The following AGRN variants were observed in gnomAD, a reference collection of about 807,000 sequenced individuals.
AGRN encodes agrin proteoglycan.
A neutral mutation model predicts 211.0 loss-of-function variants in AGRN; 106 were observed. That is an observed-to-expected ratio of 0.50 (90% CI 0.43 to 0.59). The LOEUF (loss-of-function observed/expected upper bound fraction) is 0.59. Among genes scored for constraint, AGRN ranks in the 20% least tolerant of loss-of-function variants. The pLI is 0.00. For missense variants in AGRN, 3,040 were observed against 2,982.6 expected (o/e 1.02, Z -0.45); for synonymous variants, 1,525 against 1,332.5 (o/e 1.14, Z -3.15).
chr1:1,053,646 G>A (rs563960394), intron 33 of AGRN, 107 bp from the exon 34 acceptor site: 33 of 1,493,920 alleles, frequency 2.2e-5, no homozygotes, highest in South Asian at 8.5e-5. Flanking sequence ...CCTGGGTCCC[G>A]TCACAGCCCT....
At chr1:1,037,629 A>G (rs1570179470) in intron 3 of AGRN, among the ~76,000 whole-genome samples, 1 of 152,156 alleles carries the variant, frequency 6.6e-6, no homozygotes. Flanking sequence ...CAGGAGGTGG[A>G]GCTAAGACAG....
At position 1,044,404 on chromosome 1, in the gene AGRN, G is replaced by A. The variant is rs146863919; in HGVS notation, c.2219G>A (p.Arg740Gln). Residue 740 changes from arginine (R) to glutamine (Q), a missense_variant, in exon 12 of 36, where the codon CGA (arginine) becomes CAA (glutamine). Arg to Gln is a conservative substitution (Grantham distance 43). Coordinates refer to ENST00000379370, the MANE Select transcript of AGRN (RefSeq NM_198576.4). ...AAGAAGGCCAGGTGTGAGTCACAGCGAGGGCTCTACGTAGCGGCCCAGGGA... is the reference window on the plus strand; with the variant it reads ...AAGAAGGCCAGGTGTGAGTCACAGCAAGGGCTCTACGTAGCGGCCCAGGGA... ...ELKKARCESQ[R>Q]GLYVAAQGAC... 1.7e-4 allele frequency: 271 copies of A among 1,612,260 alleles called. 5 individuals are homozygous for A. In the Middle Eastern group the frequency reaches 1.8e-3, roughly 11 times the overall value.
chr1:1,028,073 C>G (rs1386098718), intron 2 of AGRN, among the ~76,000 whole-genome samples: 1 of 152,116 alleles, frequency 6.6e-6, no homozygotes, highest in Admixed American at 6.5e-5. Context: ...TCATCAGTGC[C>G]TTCCCCATTC....
chr1:1,040,956 CGGGGCCAG>C, intron 4 of AGRN, 76 bp downstream of exon 4: 1 of 407,274 alleles, frequency 2.5e-6, no homozygotes, highest in Non-Finnish European at 3.4e-6. Flanking sequence ...GGAGGGGCTT[CGGGGCCAG>C]TGGGGCGGGG....
rs149594498 is a variant in AGRN, at chr1:1,044,340, G to A, written c.2155G>A (p.Gly719Ser). The A allele has an allele frequency of 2.9e-4, 468 of 1,612,770 alleles. 1 individual carries two copies. In the African/African-American group the frequency reaches 5.1e-3, roughly 17 times the overall value. Residue 719 changes from glycine to serine, a missense_variant, in exon 12 of 36, where the codon GGC becomes AGC. Transcript: ENST00000379370. ...CACTGACACCACCCTCCAGGTGTGC[G>A]GCTCAGATGGGGTCACCTACAGCAC... Reference protein sequence around the residue: ...CQSVPGSPVCGSDGVTYSTEC... With the variant: ...CQSVPGSPVCSSDGVTYSTEC...
At chr1:1,053,551 CGTCTCTCTGAT>C in intron 33 of AGRN, 191 bp from the exon 34 acceptor site, 1 of 1,527,956 alleles carries the variant, frequency 6.5e-7, no homozygotes, top group Non-Finnish European at 8.8e-7. Flanking sequence ...TCCTCCCGCC[CGTCTCTCTGAT>C]CTCTCTCTGC....
At position 1,047,831 on chromosome 1, in the gene AGRN, G is replaced by T; in HGVS notation, c.3687G>T (p.Val1229=). The T allele has an allele frequency of 1.2e-6, 2 of 1,604,534 alleles. No homozygotes were observed. The highest frequency in any genetic ancestry group is 1.7e-6 in the Non-Finnish European group (2 of 1,176,234). The change falls in exon 22 of 36, where the codon GTG becomes GTT. Residue 1229 remains valine, a synonymous_variant. Coordinates refer to ENST00000379370, the MANE Select transcript of AGRN (RefSeq NM_198576.4). ...VARALLRQIQ[V]SRRRSLGVRR... ...GGGCCCTGCTCCGGCAGATCCAGGT[G>T]TCCAGGCGCCGGTCCTTGGGGGTGA...
rs1206702754 is a variant in AGRN, at chr1:1,047,565, T to C, written c.3517-8T>C. On this transcript the variant is annotated splice_region_variant and splice_polypyrimidine_tract_variant and intron_variant, in intron 20 of 35. Transcript: ENST00000379370. ...GCCCCCCAAGTCCTTGCCTACTCCC[T>C]GCCACAGCTGGACGACCTCTTCCGG... 4 of 1,612,852 alleles carry C rather than the reference T, an allele frequency of 2.5e-6. No individual in the cohort carries two copies. The highest frequency in any genetic ancestry group is 3.4e-6 in the Non-Finnish European group (4 of 1,179,992).
intron 3 of AGRN, among the ~76,000 whole-genome samples, chr1:1,037,752 T>C (rs1644835231): frequency 6.6e-6 from 1 of 152,142 alleles, no homozygotes; most frequent in South Asian, 2.1e-4. Flanking sequence ...AGCACAGATG[T>C]GTCTGAGCCC....
rs180864704 is a variant in AGRN, at chr1:1,054,235, C to A, written c.5877-213C>A. Among the ~76,000 whole-genome samples the A allele has an allele frequency of 2.0e-5, 3 of 152,346 alleles. No homozygotes were observed. The East Asian group carries it at 5.8e-4, about 29-fold the overall frequency. ...CCAGTCTGAGCCTGGCCGTCGCCTC[C>A]AGCAAAGCTTGAGCTGCAGGAATGT... is the stretch of plus-strand genomic sequence containing the variant. On this transcript the variant is annotated intron_variant, in intron 34 of 35. Coordinates refer to ENST00000379370, the MANE Select transcript of AGRN (RefSeq NM_198576.4).
Position 1,040,732 on chromosome 1 carries a change from G to T in AGRN, c.579G>T (p.Ala193=), listed in dbSNP as rs201301445. The T allele has an allele frequency of 5.8e-6, 9 of 1,545,884 alleles. No individual in the cohort carries two copies. The highest frequency in any genetic ancestry group is 7.0e-6 in the Non-Finnish European group (8 of 1,147,180). Residue 193 remains alanine (A), a synonymous_variant, in exon 4 of 36, where the codon GCG becomes GCT. Coordinates refer to ENST00000379370, the MANE Select transcript of AGRN (RefSeq NM_198576.4). ...CEPNAEGPGR[A]SCVCKKSPCP... is the part of the protein sequence containing the mutation. The stretch of plus-strand genomic sequence containing the variant: ...CCAACGCGGAGGGGCCGGGCCGGGC[G>T]TCCTGCGTCTGCAAGAAGAGCCCGT...
chr1:1,042,964 C>T (rs1644985791), intron 7 of AGRN, among the ~76,000 whole-genome samples: 1 of 152,024 alleles, frequency 6.6e-6, no homozygotes, highest in African/African-American at 2.4e-5. Context: ...GGAAGCCTGG[C>T]CCTCCCATAG....
At chr1:1,047,187 G>C in intron 19 of AGRN, 140 bp from the exon 20 acceptor site, 6 of 1,421,466 alleles carry the variant, frequency 4.2e-6, no homozygotes, top group Non-Finnish European at 5.6e-6. Flanking sequence ...CCCCACCCTG[G>C]GGTCCCCACT....
rs1570246147 is a variant in AGRN at position 1,050,737 on chromosome 1, C to T, written c.5153C>T (p.Pro1718Leu). The change falls in exon 30 of 36, where the codon CCA (proline) becomes CTA (leucine). Residue 1718 changes from proline (P) to leucine (L), a missense_variant. This residue lies in a region of AGRN where 1,537 missense variants were observed against 1,505.0 expected (regional missense o/e 1.02). Coordinates refer to ENST00000379370, the MANE Select transcript of AGRN (RefSeq NM_198576.4). ...KGAAVIRSRE[P>L]VTLGAWTRVS... is the part of the protein sequence containing the mutation. ...CCCCTCCTCACCAGGAGCAGGGAGC[C>T]AGTCACCCTGGGAGCCTGGACCAGG... The T allele has an allele frequency of 8.1e-6, 13 of 1,603,004 alleles. No individual in the cohort carries two copies. Among genetic ancestry groups the T allele is most frequent in the Non-Finnish European group, 1.0e-5 (12 of 1,177,166 alleles).
rs1483737151 is a variant in AGRN, at chr1:1,054,903, G to A, written c.6060G>A (p.Val2020=). 1 of 1,549,326 alleles carries A rather than the reference G, an allele frequency of 6.5e-7. No individual in the cohort carries two copies. The highest frequency in any genetic ancestry group is 8.7e-7 in the Non-Finnish European group (1 of 1,147,486). Residue 2020 remains valine (V), a synonymous_variant, in exon 36 of 36, where the codon GTG becomes GTA. Transcript: ENST00000379370. ...GCTTTGTGGGCTGCTTGCGGGACGTGGTGGTGGGCCGGCACCCGCTGCACC... is the reference window on the plus strand; with the variant it reads ...GCTTTGTGGGCTGCTTGCGGGACGTAGTGGTGGGCCGGCACCCGCTGCACC... The part of the protein sequence containing the change: ...GTGFVGCLRD[V]VVGRHPLHLL...
rs1261661650 is a variant in AGRN, at chr1:1,047,333, A to G, written c.3395A>G (p.Lys1132Arg). 2.5e-6 allele frequency: 4 copies of G among 1,601,908 alleles called. No individual in the cohort carries two copies. Among genetic ancestry groups the G allele is most frequent in the Non-Finnish European group, 3.4e-6 (4 of 1,174,950 alleles). ...CACTGTACCTCCCCCACAGCCACCA[A>G]GGTGTTCCAGGGCGTCCTGGAGCTG... is the stretch of plus-strand genomic sequence containing the variant. ...DAEGSNCPAT[K>R]VFQGVLELEG... Residue 1132 changes from lysine (K) to arginine (R), a missense_variant, in exon 20 of 36, where the codon AAG becomes AGG. Around this residue, in one of 3 missense-constraint regions of AGRN, gnomAD observed 1,537 missense variants for 1,505.0 expected, o/e 1.02. Transcript: ENST00000379370.
In AGRN at chr1:1,045,551, C is replaced by T. The variant is rs574932218; in HGVS notation, c.2536+28C>T. ...GAGTGACAGGGCCCAGGACTGGCCA[C>T]CGGCTATGCCCTCCTACCTGTTCAC... On this transcript the variant is annotated intron_variant, in intron 14 of 35. Coordinates refer to ENST00000379370, the MANE Select transcript of AGRN (RefSeq NM_198576.4). The T allele has an allele frequency of 2.9e-5, 46 of 1,610,702 alleles. No homozygotes were observed. In the South Asian group the frequency reaches 4.4e-4, roughly 15 times the overall value.
intron 33 of AGRN, chr1:1,053,416 C>T (rs547041297): frequency 1.9e-4 from 259 of 1,371,266 alleles, no homozygotes; most frequent in African/African-American, 1.3e-3. Context: ...GCATTGGCCC[C>T]GCCTGTCCCC....
At chr1:1,030,239 T>C (rs1224501482) in intron 2 of AGRN, among the ~76,000 whole-genome samples, 4 of 86,522 alleles carry the variant, frequency 4.6e-5, no homozygotes, top group Admixed American at 1.2e-4. Context: ...GTGTGTGCAG[T>C]GCATGGTGCT....
Sources: allele counts gnomAD v4.1 joint callset (sites outside exome capture counted in the v4.1 genomes callset), GRCh38; gene constraint gnomAD v4.1.1; regional missense constraint gnomAD v4.1.1; transcripts MANE v1.5; gene names NCBI Gene and HGNC (gene_info 2026-07-23, HGNC 2026-07-21).